The following UGT1A5 variants were observed in gnomAD, a reference collection of about 807,000 sequenced individuals.
UGT1A5 encodes the protein UDP-glucuronosyltransferase 1A5.
Under a neutral mutation model 40.3 loss-of-function variants are expected in UGT1A5, and 29 were observed. The ratio of observed to expected loss-of-function variants is 0.72; its 90% CI spans 0.54 to 0.98. The LOEUF is 0.98. UGT1A5 is among the 50% of genes least tolerant of loss of function. The pLI is 0.00. For synonymous variants in UGT1A5, 257 were observed against 262.5 expected, an observed-to-expected ratio of 0.98 and a Z score of 0.20; for missense variants, 678 against 677.9, an observed-to-expected ratio of 1.00 and a Z score of 0.00.
chr2:233,751,234 G>T (rs1326079601), intron 1 of UGT1A5, among the ~76,000 whole-genome samples: 1 of 151,962 alleles, frequency 6.6e-6, no homozygotes, highest in East Asian at 1.9e-4. Flanking sequence ...GCCCTGCCTG[G>T]TTTTGGACTT....
intron 1 of UGT1A5, among the ~76,000 whole-genome samples, chr2:233,766,795 T>C (rs1485406690): frequency 1.3e-5 from 2 of 152,194 alleles, no homozygotes; most frequent in African/African-American, 4.8e-5. Flanking sequence ...AACTAGCACA[T>C]TACCTGGATT....
At chr2:233,755,174 G>A (rs868590389) in intron 1 of UGT1A5, 74 of 1,248,738 alleles carry the variant, frequency 5.9e-5, no homozygotes, top group Non-Finnish European at 7.6e-5. Flanking sequence ...GGTTTTTGTC[G>A]GGGTGCCACT....
chr2:233,736,619 C>G (rs1245621807), intron 1 of UGT1A5, among the ~76,000 whole-genome samples: 1 of 152,186 alleles, frequency 6.6e-6, no homozygotes, highest in Non-Finnish European at 1.5e-5. Flanking sequence ...GAATTTTCAG[C>G]TTTTCTGCTC....
At chr2:233,758,574 A>G (rs1051442664) in intron 1 of UGT1A5, among the ~76,000 whole-genome samples, 1 of 152,190 alleles carries the variant, frequency 6.6e-6, no homozygotes, top group Non-Finnish European at 1.5e-5. Flanking sequence ...CTAAAAAATG[A>G]AGAGTGTTTG....
intron 1 of UGT1A5, chr2:233,729,531 G>T (rs757870746): frequency 6.2e-7 from 1 of 1,614,140 alleles, no homozygotes. Context: ...TACATAATGA[G>T]GCCCTGATCA....
In UGT1A5 at chr2:233,768,473, A is replaced by G. The variant is rs1334897468; in HGVS notation, c.1307+34A>G. ...GAAGATACAGAAGAATACTTTGGTC[A>G]TGGCATTCATGATAAAATTGTTTCA... is the stretch of plus-strand genomic sequence containing the variant. On this transcript the variant is annotated intron_variant, in intron 4 of 4. Transcript: ENST00000373414. The G allele has an allele frequency of 3.8e-6, 6 of 1,597,614 alleles. No homozygotes were observed. The African/African-American group carries it at 4.0e-5, about 11-fold the overall frequency.
At chr2:233,761,638 C>T (rs769742430) in intron 1 of UGT1A5, among the ~76,000 whole-genome samples, 2 of 152,230 alleles carry the variant, frequency 1.3e-5, no homozygotes, top group African/African-American at 2.4e-5. Context: ...TCCTGCAGTC[C>T]GTTCTCTTCT....
intron 1 of UGT1A5, chr2:233,743,776 C>T: frequency 7.3e-7 from 1 of 1,367,308 alleles, no homozygotes; most frequent in Non-Finnish European, 9.8e-7. Context: ...CGGCCACCTG[C>T]TTGAATCTCC....
In UGT1A5 at chr2:233,772,515, A is replaced by G. The variant is rs553499095; in HGVS notation, c.1561A>G (p.Lys521Glu). The change falls in exon 5 of 5, where the codon AAA becomes GAA. Residue 521 changes from lysine to glutamate, a missense_variant. Transcript: ENST00000373414. ...CAYGYRKCLGKKGRVKKAHKS... is the reference protein window; with the variant it reads ...CAYGYRKCLGEKGRVKKAHKS... ...TTATGGCTACCGGAAATGCTTGGGG[A>G]AAAAAGGGCGAGTTAAGAAAGCCCA... is the stretch of plus-strand genomic sequence containing the variant. 82 of 1,614,158 alleles carry G rather than the reference A, an allele frequency of 5.1e-5. No individual in the cohort carries two copies. Among genetic ancestry groups the G allele is most frequent in the Non-Finnish European group, 6.4e-5 (75 of 1,180,028 alleles).
At chr2:233,747,955 T>C in intron 1 of UGT1A5, 1 of 1,613,464 alleles carries the variant, frequency 6.2e-7, no homozygotes, top group East Asian at 2.2e-5. Flanking sequence ...GTGGTGGATC[T>C]TCTCAGCCAT....
chr2:233,761,137 A>T, intron 1 of UGT1A5: 2 of 1,614,180 alleles, frequency 1.2e-6, no homozygotes, highest in Non-Finnish European at 1.7e-6. Flanking sequence ...CCTTCACCAA[A>T]ATCCACTATC....
intron 1 of UGT1A5, among the ~76,000 whole-genome samples, chr2:233,717,536 C>T (rs2076584500): frequency 6.6e-6 from 1 of 152,202 alleles, no homozygotes; most frequent in South Asian, 2.1e-4. Flanking sequence ...TAAGGGAAGC[C>T]TCAGCCTCAC....
rs942942748 is a variant in UGT1A5, at chr2:233,747,245, G to A, written c.868-19789G>A. 1.9e-6 allele frequency: 3 copies of A among 1,602,546 alleles called. No individual in the cohort carries two copies. In the African/African-American group the frequency reaches 4.0e-5, roughly 22 times the overall value. On this transcript the variant is annotated intron_variant, in intron 1 of 4. Transcript: ENST00000373414. ...ACAGGACCCCAGGTTCCCCTGCTGT[G>A]GCTGGCCACAGGAGTGCTACTCCTT... is the stretch of plus-strand genomic sequence containing the variant.
In UGT1A5 at chr2:233,769,399, A is replaced by G. The variant is rs1699854887; in HGVS notation, c.1307+960A>G. The G allele has an allele frequency of 1.7e-6, 2 of 1,170,288 alleles. No homozygotes were observed. Among genetic ancestry groups the G allele is most frequent in the Non-Finnish European group, 2.5e-6 (2 of 810,196 alleles). 72.5% of individuals were successfully genotyped at this position (1,170,288 alleles called of 1,614,324 possible). A position where few individuals can be genotyped will look rare whatever the true frequency, so the allele number is the denominator to read the frequency against. On this transcript the variant is annotated intron_variant, in intron 4 of 4. Transcript: ENST00000373414. This position sits in a 1 kb window ranked among gnomAD's most constrained non-coding sequence, Gnocchi z 4.4. ...ATCCGACAATAGATACTGTGTGCAT[A>G]TGTGCGTGTGCGTTTGTGCATGTGG...
rs1319109473 is a variant in UGT1A5, at chr2:233,724,136, C to T, written c.867+10278C>T. On this transcript the variant is annotated intron_variant, in intron 1 of 4. Coordinates refer to ENST00000373414, the MANE Select transcript of UGT1A5 (RefSeq NM_019078.2). ...GCAGAGGCGCCCCTCACCTCCCGGA[C>T]GGGGCGGCTGGCCGGGTGGGGGGGC... Among the ~76,000 whole-genome samples, 110 of 111,694 alleles carry T rather than the reference C, an allele frequency of 9.8e-4. 3 individuals carry two copies. Among genetic ancestry groups the T allele is most frequent in the Middle Eastern group, 4.2e-3 (1 of 236 alleles). 73.3% of individuals were successfully genotyped at this position (111,694 alleles called of 152,430 possible).
chr2:233,757,384 T>TA (rs1696511783), intron 1 of UGT1A5, among the ~76,000 whole-genome samples: 1 of 151,252 alleles, frequency 6.6e-6, no homozygotes. Context: ...ATTCAGCACT[T>TA]ACTTGCTGGC....
At position 233,754,818 on chromosome 2, in the gene UGT1A5, T is replaced by C. The variant is rs536023413; in HGVS notation, c.868-12216T>C. The stretch of plus-strand genomic sequence containing the variant: ...TGTATCAAAAGAAGAAAAACCACCC[T>C]CAAAAGCTGGAAATTCACTGAAGGC... On this transcript the variant is annotated intron_variant, in intron 1 of 4. Transcript: ENST00000373414. 419 of 1,332,122 alleles carry C rather than the reference T, an allele frequency of 3.1e-4. 1 individual carries two copies. The highest frequency in any genetic ancestry group is 3.7e-4 in the Non-Finnish European group (370 of 994,872). The allele number at this position is 1,332,122 out of a possible 1,614,324, so 82.5% of individuals were successfully genotyped here.
chr2:233,716,223 G>A (rs907028854), intron 1 of UGT1A5, among the ~76,000 whole-genome samples: 4 of 152,088 alleles, frequency 2.6e-5, no homozygotes, highest in African/African-American at 9.7e-5. Flanking sequence ...AAGAGCCCTT[G>A]TGATTACATT....
At chr2:233,744,855 G>A (rs1452590480) in intron 1 of UGT1A5, among the ~76,000 whole-genome samples, 1 of 151,856 alleles carries the variant, frequency 6.6e-6, no homozygotes, top group Non-Finnish European at 1.5e-5. Flanking sequence ...GTAGTCCTTG[G>A]TATTCTGAAG....
Sources: allele counts gnomAD v4.1 joint callset (sites outside exome capture counted in the v4.1 genomes callset), GRCh38; gene constraint gnomAD v4.1.1; non-coding constraint Gnocchi (gnomAD v3.1); transcripts MANE v1.5; gene names NCBI Gene and HGNC (gene_info 2026-07-23, HGNC 2026-07-21).